Variants in CNBD1 observed in about 807,000 individuals in gnomAD.
CNBD1 encodes the protein cyclic nucleotide-binding domain-containing protein 1.
A neutral mutation model predicts 54.4 loss-of-function variants in CNBD1; 71 were observed. The observed-to-expected ratio is 1.30, with a 90% CI of 1.08 to 1.59. The LOEUF is 1.59. Ranked by LOEUF, CNBD1 falls within the 40% of genes most tolerant of loss-of-function variation. The pLI is 0.00. For missense variants in CNBD1, 659 were observed against 518.0 expected (o/e 1.27, Z -2.64); for synonymous variants, 182 against 170.7 (o/e 1.07, Z -0.51).
rs559795188 is a variant in CNBD1, at chr8:87,046,337, C to G, written c.431+106583C>G. 1.3e-3 allele frequency among the ~76,000 whole-genome samples: 205 copies of G among 152,240 alleles called. 2 individuals are homozygous for G. Among genetic ancestry groups the G allele is most frequent in the South Asian group, 8.9e-3 (43 of 4,824 alleles). ...TTGTTGTGTGCATGTCCTCCCCAGT[C>G]CTCTCTCTCAGTTAGATCTCCATAC... On this transcript the variant is annotated intron_variant, in intron 4 of 10. Coordinates refer to ENST00000518476, the MANE Select transcript of CNBD1 (RefSeq NM_173538.3).
At chr8:86,941,279 G>T (rs1042899723) in intron 4 of CNBD1, among the ~76,000 whole-genome samples, 1 of 152,122 alleles carries the variant, frequency 6.6e-6, no homozygotes, top group Non-Finnish European at 1.5e-5. Context: ...AAAAAATTAG[G>T]AAATTCAACT....
At chr8:87,046,042 T>TTA (rs1810181707) in intron 4 of CNBD1, among the ~76,000 whole-genome samples, 3 of 71,642 alleles carry the variant, frequency 4.2e-5, no homozygotes, top group African/African-American at 1.6e-4. Flanking sequence ...CTTCCTCTCA[T>TTA]AAAAAAAAAA....
At chr8:87,117,390 T>A (rs113175153) in intron 4 of CNBD1, among the ~76,000 whole-genome samples, 2 of 135,932 alleles carry the variant, frequency 1.5e-5, no homozygotes, top group East Asian at 2.1e-4. Context: ...CAGAGCAAGA[T>A]TCCGTCTCAA....
intron 8 of CNBD1, among the ~76,000 whole-genome samples, chr8:87,350,723 T>G (rs927918272): frequency 6.6e-6 from 1 of 152,110 alleles, no homozygotes; most frequent in Non-Finnish European, 1.5e-5. Context: ...ATATTTAGGT[T>G]ACTACTGCTG....
Position 87,088,723 on chromosome 8 carries a change from G to A in CNBD1, c.432-117270G>A, listed in dbSNP as rs1432320968. On this transcript the variant is annotated intron_variant, in intron 4 of 10. Coordinates refer to ENST00000518476, the MANE Select transcript of CNBD1 (RefSeq NM_173538.3). ...ACTTCTCTTTATAATAAAGGTAAAAGTGTATTTTAAAAAGAATGGCCTGTA... is the reference window on the plus strand; with the variant it reads ...ACTTCTCTTTATAATAAAGGTAAAAATGTATTTTAAAAAGAATGGCCTGTA... 2.6e-5 allele frequency among the ~76,000 whole-genome samples: 4 copies of A among 152,034 alleles called. No individual in the cohort carries two copies. In the East Asian group the frequency reaches 7.7e-4, roughly 29 times the overall value.
chr8:87,413,497 C>G (rs1368416252), intron 2 of CNBD1, among the ~76,000 whole-genome samples: 1 of 151,900 alleles, frequency 6.6e-6, no homozygotes, highest in Non-Finnish European at 1.5e-5. Context: ...CCACTGAAGG[C>G]AAAAATGCTT....
chr8:86,975,694 G>C (rs1018938277), intron 4 of CNBD1, among the ~76,000 whole-genome samples: 1 of 152,014 alleles, frequency 6.6e-6, no homozygotes, highest in African/African-American at 2.4e-5. Flanking sequence ...GAATGTGGGA[G>C]TGCAGTTATC....
intron 2 of CNBD1, among the ~76,000 whole-genome samples, chr8:86,904,487 A>G (rs1002947442): frequency 6.6e-6 from 1 of 152,056 alleles, no homozygotes; most frequent in African/African-American, 2.4e-5. Flanking sequence ...TATAAGAGTC[A>G]TCCTGAGGAA....
chr8:87,105,433 A>G (rs142138630), intron 4 of CNBD1, among the ~76,000 whole-genome samples: 2 of 152,354 alleles, frequency 1.3e-5, no homozygotes, highest in East Asian at 3.9e-4. Flanking sequence ...GTAGGTAGGA[A>G]TGCTATAAAT....
At chr8:87,360,508 A>C (rs532018973) in intron 10 of CNBD1, among the ~76,000 whole-genome samples, 1 of 151,972 alleles carries the variant, frequency 6.6e-6, no homozygotes, top group East Asian at 1.9e-4. Context: ...TATTTTTATA[A>C]AGTCAATATA....
chr8:87,412,655 G>A (rs1807767668), intron 2 of CNBD1, among the ~76,000 whole-genome samples: 1 of 152,024 alleles, frequency 6.6e-6, no homozygotes. Flanking sequence ...GGCTGAGACA[G>A]GTGTCTCAAT....
At chr8:87,090,622 A>G (rs980360909) in intron 4 of CNBD1, among the ~76,000 whole-genome samples, 1 of 152,188 alleles carries the variant, frequency 6.6e-6, no homozygotes, top group African/African-American at 2.4e-5. Flanking sequence ...TAAAATCTAC[A>G]CTGAATGAAC....
At chr8:87,119,617 G>A (rs748640861) in intron 4 of CNBD1, among the ~76,000 whole-genome samples, 6 of 151,998 alleles carry the variant, frequency 3.9e-5, no homozygotes, top group African/African-American at 1.4e-4. Context: ...CCAGAATTAC[G>A]TCGAATAGGA....
chr8:87,035,977 A>G (rs1444643674), intron 4 of CNBD1, among the ~76,000 whole-genome samples: 1 of 152,206 alleles, frequency 6.6e-6, no homozygotes, highest in Non-Finnish European at 1.5e-5. Context: ...AATACCTGAC[A>G]TATCTACAGG....
chr8:87,304,045 A>G (rs994028923), intron 8 of CNBD1, among the ~76,000 whole-genome samples: 2 of 152,194 alleles, frequency 1.3e-5, no homozygotes, highest in Admixed American at 6.5e-5. Flanking sequence ...GTGGGACTGT[A>G]AACTAGTTCA....
chr8:87,194,044 G>A (rs563679639), intron 4 of CNBD1, among the ~76,000 whole-genome samples: 1 of 152,256 alleles, frequency 6.6e-6, no homozygotes, highest in South Asian at 2.1e-4. Flanking sequence ...CTGTCAAGTC[G>A]GCAAATTAGA....
intron 5 of CNBD1, among the ~76,000 whole-genome samples, chr8:87,235,028 TGTCTTCTA>T (rs1187476675): frequency 6.6e-6 from 1 of 152,218 alleles, no homozygotes; most frequent in African/African-American, 2.4e-5. Flanking sequence ...GTTATAGATA[TGTCTTCTA>T]TCTTTAAACC....
At chr8:87,277,828 TA>T (rs1224570130) in intron 6 of CNBD1, among the ~76,000 whole-genome samples, 1 of 151,624 alleles carries the variant, frequency 6.6e-6, no homozygotes, top group African/African-American at 2.4e-5. Flanking sequence ...CAGCATTGAC[TA>T]AAAAGTTATC....
At chr8:86,955,072 G>A (rs938348327) in intron 4 of CNBD1, among the ~76,000 whole-genome samples, 2 of 149,464 alleles carry the variant, frequency 1.3e-5, no homozygotes, top group Admixed American at 6.8e-5. Flanking sequence ...CGATGAGTGA[G>A]AACATGCGGT....
Sources: allele counts gnomAD v4.1 joint callset (sites outside exome capture counted in the v4.1 genomes callset), GRCh38; gene constraint gnomAD v4.1.1; transcripts MANE v1.5; gene names NCBI Gene and HGNC (gene_info 2026-07-23, HGNC 2026-07-21).